The following UPF3B variants were observed in gnomAD, a reference collection of about 807,000 sequenced individuals.
UPF3B encodes regulator of nonsense transcripts 3B.
Under a neutral mutation model 40.3 loss-of-function variants are expected in UPF3B, and 7 were observed. The ratio of observed to expected loss-of-function variants is 0.17; its 90% confidence interval spans 0.10 to 0.33. The LOEUF is 0.33. Ranked by LOEUF, UPF3B falls within the 10% of genes least tolerant of loss-of-function variation. The pLI is 1.00. For synonymous variants in UPF3B, 117 were observed against 117.3 expected (o/e 1.00, Z 0.01); for missense variants, 229 against 358.9 (o/e 0.64, Z 2.93).
chrX:119,838,906 G>A (rs2147784866), intron 8 of UPF3B, among the ~76,000 whole-genome samples: 1 of 111,130 alleles, frequency 9.0e-6, no homozygotes, highest in Non-Finnish European at 1.9e-5. Flanking sequence ...CTCTTGAGTA[G>A]CTAGGACAAC....
chrX:119,828,503 C>T (rs2056004057), intron 3 of UPF3B, among the ~76,000 whole-genome samples: 1 of 110,880 alleles, frequency 9.0e-6, no homozygotes, highest in African/African-American at 3.3e-5. Context: ...AAAACCGTAT[C>T]TCTACAAAAA....
intron 3 of UPF3B, among the ~76,000 whole-genome samples, chrX:119,827,168 TTC>T (rs1468666437): frequency 9.0e-6 from 1 of 111,103 alleles, no homozygotes; most frequent in African/African-American, 3.3e-5. Context: ...ACCCTCTGAC[TTC>T]TTTTTGTTTC....
At chrX:119,848,323 A>G (rs1181444359) in intron 3 of UPF3B, among the ~76,000 whole-genome samples, 3 of 107,591 alleles carry the variant, frequency 2.8e-5, no homozygotes, top group African/African-American at 1.0e-4. Context: ...ATTCTGACAC[A>G]TGCTACGACA....
intron 5 of UPF3B, among the ~76,000 whole-genome samples, chrX:119,808,174 C>T (rs184855691): frequency 1.8e-3 from 201 of 111,859 alleles, no homozygotes; most frequent in African/African-American, 6.4e-3. Context: ...GCCACCGTGC[C>T]TGGCCTATAG....
downstream of UPF3B, among the ~76,000 whole-genome samples, chrX:119,833,505 A>G (rs1314192577): frequency 9.1e-6 from 1 of 110,072 alleles, no homozygotes; most frequent in African/African-American, 3.3e-5. Flanking sequence ...ATGCCCAGCT[A>G]ATTTTTAAAA....
At chrX:119,810,058 T>G (rs1258878011) in intron 5 of UPF3B, among the ~76,000 whole-genome samples, 1 of 112,054 alleles carries the variant, frequency 8.9e-6, no homozygotes, top group Non-Finnish European at 1.9e-5. Flanking sequence ...CACATCAATT[T>G]GTGAGAAAAA....
chrX:119,846,204 C>T (rs1479521064), intron 3 of UPF3B, among the ~76,000 whole-genome samples: 31 of 103,591 alleles, frequency 3.0e-4, no homozygotes, highest in Admixed American at 4.2e-4. Flanking sequence ...CGTGGTGGCA[C>T]GTGCCTGCAA....
intron 3 of UPF3B, among the ~76,000 whole-genome samples, chrX:119,823,792 G>GA (rs2055950820): frequency 9.1e-6 from 1 of 110,315 alleles, no homozygotes; most frequent in African/African-American, 3.3e-5. Context: ...TCACACTCCT[G>GA]ACCTCAAGTG....
intron 2 of UPF3B, 46 bp downstream of exon 2, chrX:119,851,721 A>G: frequency 1.1e-6 from 1 of 947,630 alleles, no homozygotes. Context: ...AAAAGAATGA[A>G]AGAAACCTTT....
intron 10 of UPF3B, among the ~76,000 whole-genome samples, chrX:119,837,158 T>G (rs982301491): frequency 9.4e-6 from 1 of 106,140 alleles, no homozygotes; most frequent in African/African-American, 3.4e-5. Context: ...TTGGCCAGGC[T>G]GGTCTAGAAC....
At chrX:119,824,731 TAACACC>T (rs1456134226) in intron 3 of UPF3B, among the ~76,000 whole-genome samples, 1 of 109,244 alleles carries the variant, frequency 9.2e-6, no homozygotes, top group Non-Finnish European at 1.9e-5. Context: ...AATGCTTCAT[TAACACC>T]ATTAACCTAT....
chrX:119,814,859 CTTTTTTTTTTTTTT>C (rs140201169), intron 5 of UPF3B, among the ~76,000 whole-genome samples: 5 of 46,263 alleles, frequency 1.1e-4, no homozygotes, highest in African/African-American at 1.5e-4. Flanking sequence ...TTCTTTCTTT[CTTTTTTTTTTTTTT>C]TTTTTTTTTT....
At chrX:119,816,540 G>A (rs1190515246) in intron 4 of UPF3B, among the ~76,000 whole-genome samples, 1 of 111,404 alleles carries the variant, frequency 9.0e-6, no homozygotes, top group Admixed American at 9.6e-5. Context: ...GGGTGGGGAT[G>A]GGTGATTTAT....
At chrX:119,813,272 T>G (rs1691597506) in intron 5 of UPF3B, among the ~76,000 whole-genome samples, 1 of 110,906 alleles carries the variant, frequency 9.0e-6, no homozygotes, top group Non-Finnish European at 1.9e-5. Flanking sequence ...TAATCCCCAG[T>G]GTTGTAGGTG....
At chrX:119,843,142 A>T in intron 5 of UPF3B, 49 bp downstream of exon 5, 1 of 846,853 alleles carries the variant, frequency 1.2e-6, no homozygotes, top group Non-Finnish European at 1.8e-6. Context: ...TAGGAGACTT[A>T]GGTACTGTGA....
chrX:119,834,593 T>C lies in UPF3B; in HGVS notation c.*285A>G, dbSNP rs761711714. On this transcript the variant is annotated 3_prime_UTR_variant, in exon 11 of 11. Coordinates refer to ENST00000276201, the MANE Select transcript of UPF3B (RefSeq NM_080632.3). ...GTGTCATATGTGATGAAGTCCTCAC[T>C]TGACAATTCCCCCTGCAAATTGCAA... The C allele has an allele frequency of 5.6e-4, 561 of 1,007,691 alleles. 1 individual carries two copies. The highest frequency in any genetic ancestry group is 6.4e-4 in the Non-Finnish European group (511 of 794,329). The allele number at this position is 1,007,691 out of a possible 1,213,427, so 83.0% of individuals were successfully genotyped here. A position where few individuals can be genotyped will look rare whatever the true frequency, so the allele number is the denominator to read the frequency against.
intron 8 of UPF3B, among the ~76,000 whole-genome samples, chrX:119,839,414 A>G (rs2056137166): frequency 8.9e-6 from 1 of 112,609 alleles, no homozygotes; most frequent in Non-Finnish European, 1.9e-5. Flanking sequence ...CAAATAGTGA[A>G]GTTCCATCTC....
intron 5 of UPF3B, among the ~76,000 whole-genome samples, chrX:119,814,859 C>T (rs865813027): frequency 4.3e-5 from 2 of 46,263 alleles, no homozygotes; most frequent in South Asian, 2.4e-3. Flanking sequence ...TTCTTTCTTT[C>T]TTTTTTTTTT....
chrX:119,814,255 T>C (rs1005686111), intron 5 of UPF3B, among the ~76,000 whole-genome samples: 2 of 111,468 alleles, frequency 1.8e-5, no homozygotes, highest in South Asian at 3.7e-4. Context: ...TCAAACAAAC[T>C]AGATTGTCAA....
Sources: allele counts gnomAD v4.1 joint callset (sites outside exome capture counted in the v4.1 genomes callset), GRCh38; gene constraint gnomAD v4.1.1; transcripts MANE v1.5; gene names NCBI Gene and HGNC (gene_info 2026-07-23, HGNC 2026-07-21).